The following MBD3L1 variants were observed in gnomAD, a reference collection of about 807,000 sequenced individuals.
The protein encoded by MBD3L1 is methyl-CpG-binding domain protein 3-like 1.
For synonymous variants in MBD3L1, 84 were observed against 85.1 expected, an observed-to-expected ratio of 0.99 and a Z score of 0.07; for missense variants, 203 against 230.1, an observed-to-expected ratio of 0.88 and a Z score of 0.76.
At position 8,843,223 on chromosome 19, in the gene MBD3L1, A is replaced by T. The variant is rs746338085; in HGVS notation, c.545A>T (p.Glu182Val). Reference protein sequence around the residue: ...LIADGLANEAEKVRDQEGRPE... With the variant: ...LIADGLANEAVKVRDQEGRPE... ...GCGGATGGACTCGCTAATGAGGCAGAGAAAGTGAGAGACCAAGAAGGCCGT... is the reference window on the plus strand; with the variant it reads ...GCGGATGGACTCGCTAATGAGGCAGTGAAAGTGAGAGACCAAGAAGGCCGT... Residue 182 changes from glutamate (E) to valine (V), a missense_variant, in exon 3 of 3, where the codon GAG (glutamate) becomes GTG (valine). Coordinates refer to ENST00000595891, the MANE Select transcript of MBD3L1 (RefSeq NM_001393532.1). 5 of 1,605,512 alleles carry T rather than the reference A, an allele frequency of 3.1e-6. No individual in the cohort carries two copies. The African/African-American group carries it at 4.0e-5, about 13-fold the overall frequency.
rs1214180145 is a variant in MBD3L1, at chr19:8,843,279, T to C, written c.*16T>C. The C allele has an allele frequency of 4.0e-6, 6 of 1,517,814 alleles. No individual in the cohort carries two copies. The highest frequency in any genetic ancestry group is 5.3e-6 in the Non-Finnish European group (6 of 1,129,550). 94.0% of individuals were successfully genotyped at this position (1,517,814 alleles called of 1,614,324 possible). A position where few individuals can be genotyped will look rare whatever the true frequency, so the allele number is the denominator to read the frequency against. ...AAAACGCTAAGAAAAAAAGGGAAGATAGTGCAGATGAAATAAAGTGTAATC... is the reference window on the plus strand; with the variant it reads ...AAAACGCTAAGAAAAAAAGGGAAGACAGTGCAGATGAAATAAAGTGTAATC... On this transcript the variant is annotated 3_prime_UTR_variant, in exon 3 of 3. Transcript: ENST00000595891.
At chr19:8,833,940 A>G (rs558232315) in intron 1 of MBD3L1, among the ~76,000 whole-genome samples, 3 of 152,214 alleles carry the variant, frequency 2.0e-5, no homozygotes, top group Admixed American at 2.0e-4. Flanking sequence ...GTGAGCCGAG[A>G]TTGCAGCCGG....
Position 8,843,267 on chromosome 19 carries a change from A to G in MBD3L1, c.*4A>G, listed in dbSNP as rs1393659014. The G allele has an allele frequency of 1.9e-6, 3 of 1,558,192 alleles. No homozygotes were observed. The highest frequency in any genetic ancestry group is 4.5e-5 in the East Asian group (2 of 44,474). On this transcript the variant is annotated 3_prime_UTR_variant, in exon 3 of 3. Transcript: ENST00000595891. Reference sequence around the variant, plus strand: ...AGGCCGTCCTGAAAAACGCTAAGAAAAAAAGGGAAGATAGTGCAGATGAAA... The same window carrying G: ...AGGCCGTCCTGAAAAACGCTAAGAAGAAAAGGGAAGATAGTGCAGATGAAA...
chr19:8,834,200 A>C (rs1479571502), intron 1 of MBD3L1, among the ~76,000 whole-genome samples: 1 of 152,250 alleles, frequency 6.6e-6, no homozygotes, highest in African/African-American at 2.4e-5. Flanking sequence ...AGGTGGCTGA[A>C]GGAAGTTTAA....
chr19:8,839,185 C>CTTTTTTTTTT (rs57499698), intron 1 of MBD3L1, among the ~76,000 whole-genome samples: 2 of 122,116 alleles, frequency 1.6e-5, no homozygotes, highest in African/African-American at 6.4e-5. Flanking sequence ...CTTTTCTTTT[C>CTTTTTTTTTT]TTTTTTTTTT....
At chr19:8,835,645 G>A (rs181870888) in intron 1 of MBD3L1, among the ~76,000 whole-genome samples, 1 of 152,210 alleles carries the variant, frequency 6.6e-6, no homozygotes, top group Admixed American at 6.6e-5. Flanking sequence ...TCATAGAGTT[G>A]CCACGTGACC....
intron 1 of MBD3L1, among the ~76,000 whole-genome samples, chr19:8,837,292 T>C (rs1053523747): frequency 6.6e-6 from 1 of 152,236 alleles, no homozygotes; most frequent in Non-Finnish European, 1.5e-5. Flanking sequence ...CTACCTCCTA[T>C]TTAATATGAC....
chr19:8,840,538 C>G (rs1379390404), intron 1 of MBD3L1, among the ~76,000 whole-genome samples: 2 of 152,146 alleles, frequency 1.3e-5, no homozygotes, highest in Admixed American at 6.5e-5. Context: ...CTCCTGTGTT[C>G]AAGTGGCCCT....
rs1248328109 is a variant in MBD3L1 at position 8,842,841 on chromosome 19, T to C, written c.163T>C (p.Trp55Arg). 1 of 1,614,138 alleles carries C rather than the reference T, an allele frequency of 6.2e-7. No homozygotes were observed. The highest frequency in any genetic ancestry group is 2.2e-5 in the East Asian group (1 of 44,830). Residue 55 changes from tryptophan to arginine, a missense_variant, in exon 3 of 3, where the codon TGG becomes CGG. Trp to Arg is a moderately radical substitution (Grantham distance 101). Transcript: ENST00000595891. The stretch of plus-strand genomic sequence containing the variant: ...TGGCAATGAGGTCAGATACCATCAA[T>C]GGGAGGAGAGCTTGGAGAAGCCTCA... ...HPGNEVRYHQ[W>R]EESLEKPQQV...
chr19:8,834,164 T>G (rs2044426608), intron 1 of MBD3L1, among the ~76,000 whole-genome samples: 1 of 152,204 alleles, frequency 6.6e-6, no homozygotes, highest in Non-Finnish European at 1.5e-5. Context: ...TAGTTAGATC[T>G]CTGCTTCCCA....
chr19:8,832,408 T>C lies in MBD3L1; in HGVS notation c.-221T>C, dbSNP rs938759333. ...TCGAGCGTGTTGGGGGTTCGGCGCT[T>C]AGGCGACAGGCGCGGCGGGCGGGAG... is the stretch of plus-strand genomic sequence containing the variant. On this transcript the variant is annotated 5_prime_UTR_variant, in exon 1 of 3. Coordinates refer to ENST00000595891, the MANE Select transcript of MBD3L1 (RefSeq NM_001393532.1). 6.5e-6 allele frequency: 1 copy of C among 152,990 alleles called. No homozygotes were observed. The highest frequency in any genetic ancestry group is 2.4e-5 in the African/African-American group (1 of 41,464). The allele number at this position is 152,990 out of a possible 1,614,324, so 9.5% of individuals were successfully genotyped here.
chr19:8,835,363 CAA>C (rs1722524450), intron 1 of MBD3L1, among the ~76,000 whole-genome samples: 1 of 152,006 alleles, frequency 6.6e-6, no homozygotes. Context: ...GAAAAATGAA[CAA>C]AGAGTTCGAA....
chr19:8,834,594 G>A (rs2044432813), intron 1 of MBD3L1, among the ~76,000 whole-genome samples: 1 of 139,124 alleles, frequency 7.2e-6, no homozygotes, highest in African/African-American at 2.7e-5. Flanking sequence ...AGAACAGAGC[G>A]AGACTCCATC....
chr19:8,837,793 C>T (rs888732827), intron 1 of MBD3L1, among the ~76,000 whole-genome samples: 8 of 152,082 alleles, frequency 5.3e-5, no homozygotes, highest in Admixed American at 1.3e-4. Context: ...AACCAGATGA[C>T]GCATAAAATA....
At position 8,843,124 on chromosome 19, in the gene MBD3L1, T is replaced by C. The variant is rs934102743; in HGVS notation, c.446T>C (p.Val149Ala). 1 of 1,613,486 alleles carries C rather than the reference T, an allele frequency of 6.2e-7. No individual in the cohort carries two copies. The highest frequency in any genetic ancestry group is 1.3e-5 in the African/African-American group (1 of 74,834). ...CAGCTCCTCTGCAAACAATTTCTGG[T>C]TACTGAGGAAGATATCAGGAAACAG... ...ISQLLCKQFL[V>A]TEEDIRKQEG... Residue 149 changes from valine to alanine, a missense_variant, in exon 3 of 3, where the codon GTT (valine) becomes GCT (alanine). Val to Ala is a moderately conservative substitution (Grantham distance 64). Transcript: ENST00000595891.
At chr19:8,835,442 A>G (rs2044445378) in intron 1 of MBD3L1, among the ~76,000 whole-genome samples, 1 of 152,208 alleles carries the variant, frequency 6.6e-6, no homozygotes, top group Non-Finnish European at 1.5e-5. Context: ...CGGCCCCATT[A>G]ATCATTAGGG....
Position 8,842,813 on chromosome 19 carries a change from T to C in MBD3L1, c.135T>C (p.His45=). ...FKRPVTRITP[H]PGNEVRYHQW... is the part of the protein sequence containing the mutation. ...GGCCAGTAACGAGAATTACACCCCA[T>C]CCTGGCAATGAGGTCAGATACCATC... Residue 45 remains histidine, a synonymous_variant, in exon 3 of 3, where the codon CAT becomes CAC. Coordinates refer to ENST00000595891, the MANE Select transcript of MBD3L1 (RefSeq NM_001393532.1). 6.2e-7 allele frequency: 1 copy of C among 1,614,158 alleles called. No individual in the cohort carries two copies. The highest frequency in any genetic ancestry group is 8.5e-7 in the Non-Finnish European group (1 of 1,180,024).
chr19:8,838,132 C>T (rs974285466), intron 1 of MBD3L1, among the ~76,000 whole-genome samples: 3 of 151,600 alleles, frequency 2.0e-5, no homozygotes, highest in Middle Eastern at 3.2e-3. Context: ...CCTGTAGTCC[C>T]AGCTACTCAG....
At chr19:8,840,178 C>T (rs183537173) in intron 1 of MBD3L1, among the ~76,000 whole-genome samples, 50 of 140,550 alleles carry the variant, frequency 3.6e-4, no homozygotes, top group Admixed American at 8.9e-4. Context: ...AGCGGGACTC[C>T]GTCTCAAAAA....
Sources: gnomAD v4.1 joint callset for allele counts (sites outside exome capture counted in the v4.1 genomes callset) on GRCh38, gnomAD v4.1.1 for gene constraint, MANE v1.5 for transcripts, NCBI Gene and HGNC (gene_info 2026-07-23, HGNC 2026-07-21) for gene names.